ATP2B3: variants seen among roughly 807,000 people sequenced by gnomAD.
ATP2B3 encodes the protein ATPase plasma membrane Ca2+ transporting 3, also known as plasma membrane calcium-transporting ATPase 3.
In ATP2B3, 12 loss-of-function variants were observed where a neutral mutation model predicts 70.8. The observed-to-expected ratio is 0.17, with a 90% confidence interval of 0.11 to 0.27. The LOEUF (loss-of-function observed/expected upper bound fraction) is 0.27. Among genes scored for constraint, ATP2B3 ranks in the 10% least tolerant of loss-of-function variants. ATP2B3 has a pLI of 1.00. For missense variants in ATP2B3, 858 were observed against 1,118.5 expected (o/e 0.77, Z 3.32); for synonymous variants, 460 against 497.8 (o/e 0.92, Z 1.01).
chrX:153,567,741 G>T (rs781993128), intron 21 of ATP2B3, among the ~76,000 whole-genome samples: 1 of 111,524 alleles, frequency 9.0e-6, no homozygotes, highest in Non-Finnish European at 1.9e-5. Context: ...CCTGTTTTGC[G>T]TATGAGGAAA....
At chrX:153,569,804 G>A (rs1330375766) in intron 21 of ATP2B3, 1 of 1,173,239 alleles carries the variant, frequency 8.5e-7, no homozygotes, top group African/African-American at 1.8e-5. Context: ...CTCTGGGGAA[G>A]AATAAGCCTC....
At chrX:153,545,106 T>C (rs1426483770) in intron 7 of ATP2B3, among the ~76,000 whole-genome samples, 2 of 111,318 alleles carry the variant, frequency 1.8e-5, no homozygotes, top group Non-Finnish European at 3.8e-5. Context: ...GGGGGGGCCC[T>C]CCCTGCTCCC....
At chrX:153,559,648 GC>G in intron 17 of ATP2B3, 80 bp from the exon 18 acceptor site, 1 of 847,705 alleles carries the variant, frequency 1.2e-6, no homozygotes, top group Non-Finnish European at 1.7e-6. Flanking sequence ...CCCATGAGGA[GC>G]CCCCAGGAGC....
In ATP2B3 at chrX:153,548,629, C is replaced by T. The variant is rs782610229; in HGVS notation, c.1124-11C>T. 3 of 1,203,742 alleles carry T rather than the reference C, an allele frequency of 2.5e-6. No individual in the cohort carries two copies. The highest frequency in any genetic ancestry group is 2.4e-4 in the Middle Eastern group (1 of 4,166). Reference sequence around the variant, plus strand: ...GGCAACCCCTTTCGTCTCCTCCCCGCTCTGTGGCAGGGCTGGTGATGTCTG... The same window carrying T: ...GGCAACCCCTTTCGTCTCCTCCCCGTTCTGTGGCAGGGCTGGTGATGTCTG... On this transcript the variant is annotated splice_polypyrimidine_tract_variant and intron_variant, in intron 9 of 21. Transcript: ENST00000263519.
chrX:153,577,272 G>A (rs968318087), intron 21 of ATP2B3, among the ~76,000 whole-genome samples: 3 of 112,886 alleles, frequency 2.7e-5, no homozygotes, highest in African/African-American at 9.6e-5. Context: ...GGCTGGCTCC[G>A]TGGCCTGGCT....
At chrX:153,519,234 G>A (rs188318283) in intron 2 of ATP2B3, among the ~76,000 whole-genome samples, 108 of 112,387 alleles carry the variant, frequency 9.6e-4, no homozygotes, top group Non-Finnish European at 1.6e-3. Context: ...CTGGATTTTT[G>A]TCCCCATTTT....
chrX:153,548,246 T>C, intron 9 of ATP2B3, among the ~76,000 whole-genome samples: 1 of 108,604 alleles, frequency 9.2e-6, no homozygotes, highest in Non-Finnish European at 1.9e-5. Flanking sequence ...CCACTGCCCA[T>C]GAGGTGCCCC....
At position 153,548,624 on chromosome X, in the gene ATP2B3, C is replaced by T. The variant is rs371977207; in HGVS notation, c.1124-16C>T. 12 of 1,202,019 alleles carry T rather than the reference C, an allele frequency of 1.0e-5. No homozygotes were observed. Among genetic ancestry groups the T allele is most frequent in the East Asian group, 3.0e-5 (1 of 33,618 alleles). On this transcript the variant is annotated splice_polypyrimidine_tract_variant and intron_variant, in intron 9 of 21. Coordinates refer to ENST00000263519, the MANE Select transcript of ATP2B3 (RefSeq NM_001001344.3). ...CCCGTGGCAACCCCTTTCGTCTCCT[C>T]CCCGCTCTGTGGCAGGGCTGGTGAT...
intron 21 of ATP2B3, among the ~76,000 whole-genome samples, chrX:153,566,577 G>A (rs1417580067): frequency 9.0e-6 from 1 of 111,068 alleles, no homozygotes; most frequent in Non-Finnish European, 1.9e-5. Flanking sequence ...AGCCTCCTTT[G>A]CTTGCCTTGG....
chrX:153,578,827 G>A (rs782363217), intron 21 of ATP2B3, among the ~76,000 whole-genome samples: 108 of 112,587 alleles, frequency 9.6e-4, no homozygotes, highest in African/African-American at 3.2e-3. Flanking sequence ...AGGAGGAGAC[G>A]GGAGAGAGGA....
chrX:153,562,038 G>A, intron 19 of ATP2B3, 97 bp from the exon 20 acceptor site: 1 of 795,476 alleles, frequency 1.3e-6, no homozygotes, highest in Non-Finnish European at 1.9e-6. Context: ...GCAACTGGGG[G>A]AACCAACCAG....
At chrX:153,578,874 T>C (rs782411402) in intron 21 of ATP2B3, among the ~76,000 whole-genome samples, 2 of 111,768 alleles carry the variant, frequency 1.8e-5, no homozygotes, top group South Asian at 3.8e-4. Flanking sequence ...GGGCACCAGA[T>C]TGAACCAGAC....
chrX:153,526,135 G>C (rs990704591), intron 2 of ATP2B3, among the ~76,000 whole-genome samples: 7 of 112,722 alleles, frequency 6.2e-5, no homozygotes, highest in African/African-American at 2.3e-4. Flanking sequence ...AGGGGAGGGG[G>C]TGAGCACACA....
In ATP2B3 at chrX:153,547,964, A is replaced by C. The variant is rs1230977521; in HGVS notation, c.1088A>C (p.Lys363Thr). 8.3e-7 allele frequency: 1 copy of C among 1,207,999 alleles called. No homozygotes were observed. The highest frequency in any genetic ancestry group is 1.1e-6 in the Non-Finnish European group (1 of 893,972). Residue 363 changes from lysine to threonine, a missense_variant, in exon 9 of 22, where the codon AAG becomes ACG. Coordinates refer to ENST00000263519, the MANE Select transcript of ATP2B3 (RefSeq NM_001001344.3). ...PKKEKSVLQGKLTKLAVQIGK... is the reference protein window; with the variant it reads ...PKKEKSVLQGTLTKLAVQIGK... ...AAGGAGAAGTCTGTCCTTCAGGGGAAGCTCACAAAGCTAGCCGTGCAGATC... is the reference window on the plus strand; with the variant it reads ...AAGGAGAAGTCTGTCCTTCAGGGGACGCTCACAAAGCTAGCCGTGCAGATC...
chrX:153,570,997 C>T (rs986226133), intron 21 of ATP2B3, among the ~76,000 whole-genome samples: 4 of 72,382 alleles, frequency 5.5e-5, no homozygotes, highest in Non-Finnish European at 1.0e-4. Flanking sequence ...AGAGCACGTG[C>T]GCGCGTACAC....
chrX:153,529,663 C>T (rs922096773), intron 2 of ATP2B3, among the ~76,000 whole-genome samples: 13 of 112,229 alleles, frequency 1.2e-4, no homozygotes, highest in African/African-American at 3.2e-4. Flanking sequence ...ACCATCCAGC[C>T]GCAGAACTTG....
At chrX:153,532,477 G>C (rs1482681569) in intron 2 of ATP2B3, among the ~76,000 whole-genome samples, 3 of 111,800 alleles carry the variant, frequency 2.7e-5, no homozygotes, top group Admixed American at 9.3e-5. Context: ...GGAGGTGAGG[G>C]TCTCTGGGCC....
intron 21 of ATP2B3, chrX:153,574,711 T>C (rs1420645162): frequency 3.2e-6 from 1 of 312,234 alleles, no homozygotes; most frequent in African/African-American, 2.6e-5. Flanking sequence ...GCGGCCCTTC[T>C]CCACCCTCAT....
chrX:153,570,425 G>T (rs892408473), intron 21 of ATP2B3, among the ~76,000 whole-genome samples: 17 of 112,669 alleles, frequency 1.5e-4, no homozygotes, highest in Non-Finnish European at 2.8e-4. Flanking sequence ...GCACTCAGAG[G>T]CCTCTTCAAG....
Sources: gnomAD v4.1 joint callset for allele counts (sites outside exome capture counted in the v4.1 genomes callset) on GRCh38, gnomAD v4.1.1 for gene constraint, MANE v1.5 for transcripts, NCBI Gene and HGNC (gene_info 2026-07-23, HGNC 2026-07-21) for gene names.